DAPK2: variants seen among roughly 807,000 people sequenced by gnomAD.
The protein encoded by DAPK2 is death-associated protein kinase 2.
Under a neutral mutation model 44.1 loss-of-function variants are expected in DAPK2, and 35 were observed. That is an observed-to-expected ratio of 0.79 (90% CI 0.61 to 1.05). The LOEUF (loss-of-function observed/expected upper bound fraction) is 1.05, where lower values mean the gene tolerates loss of function less well. DAPK2 is among the 50% of genes least tolerant of loss of function. The pLI, the probability that DAPK2 is intolerant of heterozygous loss-of-function variation, is 0.00. For synonymous variants in DAPK2, 174 were observed against 182.6 expected, an observed-to-expected ratio of 0.95 and a Z score of 0.38; for missense variants, 453 against 483.2, an observed-to-expected ratio of 0.94 and a Z score of 0.59.
chr15:64,005,236 G>C (rs11633611), intron 1 of DAPK2, among the ~76,000 whole-genome samples: 30,821 of 151,830 alleles, frequency 0.2, 3,220 homozygotes, highest in South Asian at 0.25. Context: ...CTTCTCAGGA[G>C]GGGTATCCAG....
chr15:63,993,279 A>T (rs2078864809), intron 1 of DAPK2, among the ~76,000 whole-genome samples: 1 of 152,230 alleles, frequency 6.6e-6, no homozygotes, highest in African/African-American at 2.4e-5. Flanking sequence ...GGGCTTGAAT[A>T]GTGGCAAGTT....
intron 3 of DAPK2, among the ~76,000 whole-genome samples, chr15:63,963,054 A>G (rs552443206): frequency 7.9e-5 from 12 of 152,280 alleles, no homozygotes; most frequent in African/African-American, 2.9e-4. Flanking sequence ...GCAATGGCAG[A>G]TGCCCCTCCC....
intron 1 of DAPK2, among the ~76,000 whole-genome samples, chr15:64,033,871 C>T (rs1024778943): frequency 1.5e-4 from 22 of 150,900 alleles, no homozygotes; most frequent in African/African-American, 5.4e-4. Context: ...GCCGAGATGG[C>T]GCCACTGCAC....
At chr15:63,953,037 T>A (rs1052388901) in intron 3 of DAPK2, among the ~76,000 whole-genome samples, 3 of 152,016 alleles carry the variant, frequency 2.0e-5, no homozygotes, top group African/African-American at 4.8e-5. Flanking sequence ...TTTGGTTACA[T>A]AAGTTCTTTA....
intron 1 of DAPK2, among the ~76,000 whole-genome samples, chr15:64,034,196 G>A (rs1417543239): frequency 9.6e-6 from 1 of 104,016 alleles, no homozygotes. Context: ...AGTGTGGCTA[G>A]ACTGGGCTAT....
At chr15:63,935,590 T>C (rs943304822) in intron 4 of DAPK2, 2 of 152,238 alleles carry the variant, frequency 1.3e-5, no homozygotes, top group African/African-American at 4.8e-5. Context: ...AGTTTCACTA[T>C]AATGTGTCTA....
chr15:64,039,625 A>T (rs1332497215), intron 1 of DAPK2, among the ~76,000 whole-genome samples: 1 of 152,216 alleles, frequency 6.6e-6, no homozygotes, highest in African/African-American at 2.4e-5. Flanking sequence ...TAGTACTTTC[A>T]GATCTGATTT....
At position 64,016,357 on chromosome 15, in the gene DAPK2, G is replaced by T. The variant is rs931219027; in HGVS notation, c.92+23813C>A. Among the ~76,000 whole-genome samples, 5 of 152,248 alleles carry T rather than the reference G, an allele frequency of 3.3e-5. No homozygotes were observed. The East Asian group carries it at 7.7e-4, about 23-fold the overall frequency. ...GAGGCAGTGTAGTTCAGTGGAAATT[G>T]TTCTGGCTTTGGAGCCAAAGAGACA... On this transcript the variant is annotated intron_variant, in intron 1 of 10. Transcript: ENST00000261891.
intron 8 of DAPK2, among the ~76,000 whole-genome samples, chr15:63,915,268 GT>G (rs917927663): frequency 5.9e-5 from 9 of 152,206 alleles, no homozygotes; most frequent in African/African-American, 1.9e-4. Context: ...CTGACTGCTT[GT>G]TTTTTGTTAG....
intron 4 of DAPK2, among the ~76,000 whole-genome samples, chr15:63,931,754 G>A (rs899337468): frequency 6.6e-6 from 1 of 152,208 alleles, no homozygotes; most frequent in Non-Finnish European, 1.5e-5. Flanking sequence ...AGGGTGCAGA[G>A]ACTAGGAGAG....
chr15:63,943,827 G>T (rs926973918), intron 3 of DAPK2, among the ~76,000 whole-genome samples: 9 of 152,192 alleles, frequency 5.9e-5, no homozygotes, highest in African/African-American at 1.9e-4. Flanking sequence ...AGTGAGCTGA[G>T]ATCGTACCAC....
At chr15:63,986,007 G>C (rs553066020) in intron 1 of DAPK2, among the ~76,000 whole-genome samples, 1 of 152,186 alleles carries the variant, frequency 6.6e-6, no homozygotes, top group Non-Finnish European at 1.5e-5. Flanking sequence ...GGGTGACTAC[G>C]ATGGCGCCAA....
intron 2 of DAPK2, among the ~76,000 whole-genome samples, chr15:63,982,757 C>T (rs1161169792): frequency 6.6e-6 from 1 of 152,240 alleles, no homozygotes; most frequent in East Asian, 1.9e-4. Context: ...GGTCCTGCCA[C>T]TTCCTGGCTA....
intron 3 of DAPK2, among the ~76,000 whole-genome samples, chr15:63,968,286 C>A (rs2140709675): frequency 6.6e-6 from 1 of 152,310 alleles, no homozygotes; most frequent in African/African-American, 2.4e-5. Flanking sequence ...GCCAAGGGAC[C>A]CACGGGTGGA....
intron 1 of DAPK2, chr15:63,991,326 G>A (rs2078811170): frequency 2.2e-6 from 1 of 456,114 alleles, no homozygotes; most frequent in South Asian, 1.5e-5. Context: ...TGGAGAGTCT[G>A]GAACAACAGA....
chr15:64,021,982 G>T (rs1170503958), intron 1 of DAPK2, among the ~76,000 whole-genome samples: 1 of 152,208 alleles, frequency 6.6e-6, no homozygotes, highest in Non-Finnish European at 1.5e-5. Context: ...AGTTTAATCT[G>T]CCAGCCACTT....
At chr15:64,042,216 A>G (rs2080368591), upstream of DAPK2, among the ~76,000 whole-genome samples, 1 of 152,196 alleles carries the variant, frequency 6.6e-6, no homozygotes, top group Non-Finnish European at 1.5e-5. The surrounding 1 kb of genome is among the most constrained non-coding windows in gnomAD (Gnocchi z 4.7). Flanking sequence ...GATTTAACCC[A>G]TGCCAGGGAG....
chr15:63,952,666 ATT>A (rs750035209), intron 3 of DAPK2, among the ~76,000 whole-genome samples: 1 of 150,078 alleles, frequency 6.7e-6, no homozygotes. Flanking sequence ...TTATTTTTTT[ATT>A]TTTGTGGGTA....
chr15:64,016,211 C>T (rs555485045), intron 1 of DAPK2, among the ~76,000 whole-genome samples: 28 of 152,352 alleles, frequency 1.8e-4, no homozygotes, highest in African/African-American at 6.3e-4. Flanking sequence ...TCTCTGCCCA[C>T]AGCCATGGTC....
Sources: gnomAD v4.1 joint callset for allele counts (sites outside exome capture counted in the v4.1 genomes callset) on GRCh38, gnomAD v4.1.1 for gene constraint, Gnocchi (gnomAD v3.1) non-coding constraint, MANE v1.5 for transcripts, NCBI Gene and HGNC (gene_info 2026-07-23, HGNC 2026-07-21) for gene names.